The following RHOBTB3 variants were observed in gnomAD, a reference collection of about 807,000 sequenced individuals.
The protein encoded by RHOBTB3 is rho-related BTB domain-containing protein 3.
RHOBTB3 carries 47 observed loss-of-function variants against 67.2 expected under a neutral mutation model. That is an observed-to-expected ratio of 0.70 (90% CI 0.55 to 0.89). The LOEUF is 0.89. Among genes scored for constraint, RHOBTB3 ranks in the 40% least tolerant of loss-of-function variants. RHOBTB3 has a pLI of 0.00. For synonymous variants in RHOBTB3, 273 were observed against 274.2 expected, an observed-to-expected ratio of 1.00 and a Z score of 0.04; for missense variants, 631 against 750.0, an observed-to-expected ratio of 0.84 and a Z score of 1.85.
At chr5:95,724,313 G>A (rs560018940) in intron 1 of RHOBTB3, among the ~76,000 whole-genome samples, 6 of 152,182 alleles carry the variant, frequency 3.9e-5, no homozygotes, top group East Asian at 1.9e-4. Context: ...TATATTTCCC[G>A]CTTGCAAAAT....
At chr5:95,741,129 C>A (rs1755583067) in intron 3 of RHOBTB3, among the ~76,000 whole-genome samples, 2 of 152,000 alleles carry the variant, frequency 1.3e-5, no homozygotes, top group South Asian at 2.1e-4. Context: ...GAGATCGAGA[C>A]CATCCTGGCT....
At chr5:95,753,368 ATTCT>A (rs1745149899) in intron 5 of RHOBTB3, among the ~76,000 whole-genome samples, 2 of 152,112 alleles carry the variant, frequency 1.3e-5, no homozygotes, top group African/African-American at 4.8e-5. Context: ...TCATTGCATC[ATTCT>A]TTCAACTTTT....
intron 8 of RHOBTB3, chr5:95,770,577 G>A (rs1745679732): frequency 4.6e-6 from 2 of 437,806 alleles, no homozygotes; most frequent in Admixed American, 4.6e-5. Flanking sequence ...CGAAGGATGT[G>A]AGAACTGCTT....
chr5:95,772,539 C>T (rs1283341893), intron 8 of RHOBTB3, among the ~76,000 whole-genome samples: 2 of 151,934 alleles, frequency 1.3e-5, no homozygotes, highest in Admixed American at 6.6e-5. Context: ...GTTCCCAAAC[C>T]CCTCAGTCAT....
At chr5:95,752,134 G>A in intron 4 of RHOBTB3, 105 bp from the exon 5 acceptor site, 1 of 686,980 alleles carries the variant, frequency 1.5e-6, no homozygotes, top group South Asian at 1.9e-5. Context: ...CGTATAAATG[G>A]TACTGACGTT....
chr5:95,721,759 G>C (rs967287927), intron 1 of RHOBTB3, among the ~76,000 whole-genome samples: 2 of 150,110 alleles, frequency 1.3e-5, no homozygotes, highest in Admixed American at 6.6e-5. Context: ...AATCTCAGGA[G>C]AGAGTAATCA....
chr5:95,718,884 A>G (rs1049935145), intron 1 of RHOBTB3, among the ~76,000 whole-genome samples: 3 of 152,184 alleles, frequency 2.0e-5, no homozygotes, highest in Admixed American at 2.0e-4. Flanking sequence ...GGAGAGCACA[A>G]GCAGGGAACA....
chr5:95,734,649 C>T (rs1047051926), intron 2 of RHOBTB3, among the ~76,000 whole-genome samples: 6 of 152,100 alleles, frequency 3.9e-5, no homozygotes, highest in South Asian at 2.1e-4. Flanking sequence ...CTTTCCCATC[C>T]GTTTTTTTGG....
At chr5:95,749,287 C>G (rs898591404) in intron 4 of RHOBTB3, among the ~76,000 whole-genome samples, 1 of 152,230 alleles carries the variant, frequency 6.6e-6, no homozygotes. Context: ...GGTTCCCTAG[C>G]TCTTCACCAA....
chr5:95,724,818 G>A (rs1242325171), intron 1 of RHOBTB3, among the ~76,000 whole-genome samples: 1 of 152,148 alleles, frequency 6.6e-6, no homozygotes, highest in East Asian at 1.9e-4. Context: ...TAGGGTGGCT[G>A]TGAGAATTAA....
At chr5:95,784,012 T>C in intron 10 of RHOBTB3, 49 bp downstream of exon 10, 1 of 1,397,994 alleles carries the variant, frequency 7.2e-7, no homozygotes, top group Non-Finnish European at 9.6e-7. Flanking sequence ...AAAATATTTT[T>C]CAAATTATAC....
At position 95,780,249 on chromosome 5, in the gene RHOBTB3, C is replaced by A; in HGVS notation, c.1283-3C>A. On this transcript the variant is annotated splice_polypyrimidine_tract_variant and splice_region_variant and intron_variant, in intron 8 of 11. Coordinates refer to ENST00000379982, the MANE Select transcript of RHOBTB3 (RefSeq NM_014899.4). ...TTTCTTGTTTCCCTTTTGAACCTTTCAGGTACGACAGTGCCAGCCCACAGG... is the reference window on the plus strand; with the variant it reads ...TTTCTTGTTTCCCTTTTGAACCTTTAAGGTACGACAGTGCCAGCCCACAGG... 1 of 1,612,610 alleles carries A rather than the reference C, an allele frequency of 6.2e-7. No individual in the cohort carries two copies. Among genetic ancestry groups the A allele is most frequent in the Non-Finnish European group, 8.5e-7 (1 of 1,179,088 alleles).
chr5:95,762,794 A>G (rs1745431068), intron 6 of RHOBTB3, among the ~76,000 whole-genome samples: 1 of 152,204 alleles, frequency 6.6e-6, no homozygotes, highest in Non-Finnish European at 1.5e-5. Context: ...CAGACCAAGT[A>G]AGAGAAGTCC....
intron 8 of RHOBTB3, chr5:95,770,565 A>G (rs962563654): frequency 7.3e-6 from 3 of 412,080 alleles, no homozygotes; most frequent in South Asian, 2.1e-5. Flanking sequence ...TCATTGGCCC[A>G]ACGAAGGATG....
chr5:95,741,832 T>C (rs1360763348), intron 3 of RHOBTB3, among the ~76,000 whole-genome samples: 1 of 152,220 alleles, frequency 6.6e-6, no homozygotes, highest in Non-Finnish European at 1.5e-5. Context: ...CCTATACTTA[T>C]TGGTTGATAT....
At chr5:95,768,006 G>A (rs1745598724) in intron 7 of RHOBTB3, 40 bp from the exon 8 acceptor site, 4 of 1,600,790 alleles carry the variant, frequency 2.5e-6, no homozygotes, top group Admixed American at 1.7e-5. Flanking sequence ...ATCAAAGCAT[G>A]TTAAACAACC....
At chr5:95,789,627 C>T (rs1746316473) in intron 11 of RHOBTB3, 1 of 152,022 alleles carries the variant, frequency 6.6e-6, no homozygotes, top group South Asian at 2.1e-4. Flanking sequence ...AAATAAATCT[C>T]CGTGGAGATA....
chr5:95,785,329 C>T (rs751138281), intron 10 of RHOBTB3, among the ~76,000 whole-genome samples: 16 of 152,196 alleles, frequency 1.1e-4, no homozygotes, highest in East Asian at 1.9e-4. Context: ...TGGTGGCTTA[C>T]GCCTGGAATC....
intron 6 of RHOBTB3, among the ~76,000 whole-genome samples, chr5:95,756,761 T>C (rs989201538): frequency 1.3e-5 from 2 of 152,204 alleles, no homozygotes; most frequent in Non-Finnish European, 2.9e-5. Context: ...ATTAGTGATA[T>C]CAAGCATCTT....
Sources: gnomAD v4.1 joint callset for allele counts (sites outside exome capture counted in the v4.1 genomes callset) on GRCh38, gnomAD v4.1.1 for gene constraint, MANE v1.5 for transcripts, NCBI Gene and HGNC (gene_info 2026-07-23, HGNC 2026-07-21) for gene names.